The following FHIP2A variants were observed in gnomAD, a reference collection of about 807,000 sequenced individuals.
The protein encoded by FHIP2A is FHF complex subunit HOOK interacting protein 2A, also known as family with sequence similarity 160 member B1.
In FHIP2A, 46 loss-of-function variants were observed where a neutral mutation model predicts 93.5. That is an observed-to-expected ratio of 0.49 (90% confidence interval 0.39 to 0.63). The LOEUF (loss-of-function observed/expected upper bound fraction) is 0.63. Ranked by LOEUF, FHIP2A falls within the 20% of genes least tolerant of loss-of-function variation. The pLI is 0.00. For synonymous variants in FHIP2A, 332 were observed against 326.5 expected (o/e 1.02, Z -0.18); for missense variants, 769 against 909.7 (o/e 0.85, Z 1.99).
At chr10:114,866,339 A>T (rs1483330544), downstream of FHIP2A, among the ~76,000 whole-genome samples, 1 of 152,160 alleles carries the variant, frequency 6.6e-6, no homozygotes, top group Non-Finnish European at 1.5e-5. Flanking sequence ...GTGTATATAC[A>T]CTACATTTTC....
intron 16 of FHIP2A, among the ~76,000 whole-genome samples, chr10:114,895,782 G>A (rs914966067): frequency 6.6e-6 from 1 of 152,072 alleles, no homozygotes; most frequent in Non-Finnish European, 1.5e-5. Flanking sequence ...ATCCCTAAAC[G>A]AGCAAAAAAG....
In FHIP2A at chr10:114,862,874, A is replaced by G; in HGVS notation, c.*1334A>G. The G allele has an allele frequency of 3.0e-6, 3 of 985,458 alleles. No individual in the cohort carries two copies. The highest frequency in any genetic ancestry group is 3.6e-6 in the Non-Finnish European group (3 of 829,934). The allele number at this position is 985,458 out of a possible 1,614,324, so 61.0% of individuals were successfully genotyped here. On this transcript the variant is annotated 3_prime_UTR_variant, in exon 17 of 17. Coordinates refer to ENST00000369248, the MANE Select transcript of FHIP2A (RefSeq NM_020940.4). ...TATCAAAGGTTCCGGCTTGAAGGGA[A>G]CTGTCACTACCCCCTCTAGGAAGTT...
intron 16 of FHIP2A, among the ~76,000 whole-genome samples, chr10:114,893,195 G>A (rs1024325187): frequency 6.6e-6 from 1 of 152,106 alleles, no homozygotes; most frequent in African/African-American, 2.4e-5. Context: ...TATAATAGGG[G>A]AAATATTGTG....
rs1158334822 is a variant in FHIP2A, at chr10:114,835,641, G to C, written c.399G>C (p.Gln133His). Residue 133 changes from glutamine to histidine, a missense_variant and splice_region_variant, in exon 4 of 17, where the codon CAG becomes CAC. Coordinates refer to ENST00000369248, the MANE Select transcript of FHIP2A (RefSeq NM_020940.4). ...ACATTAACGTGCACAGGCCAGTGCA[G>C]GTATTTTGTTCCCCCTACATAAAAT... ...LPHINVHRPV[Q>H]KLIRLCGEVL... 1 of 1,515,800 alleles carries C rather than the reference G, an allele frequency of 6.6e-7. No homozygotes were observed. The highest frequency in any genetic ancestry group is 9.0e-7 in the Non-Finnish European group (1 of 1,113,294). The allele number at this position is 1,515,800 out of a possible 1,614,324, so 93.9% of individuals were successfully genotyped here. A position where few individuals can be genotyped will look rare whatever the true frequency, so the allele number is the denominator to read the frequency against.
rs114910447 is a variant in FHIP2A, at chr10:114,886,560, T to G, written c.2193-12930T>G. On this transcript the variant is annotated intron_variant, in intron 16 of 16. Transcript: ENST00000369250. Reference sequence around the variant, plus strand: ...TTTTGTGTTTTGGTTTTTGGGTTTTTTTGAGACAGAGTCTCGCTTTGTCAC... The same window carrying G: ...TTTTGTGTTTTGGTTTTTGGGTTTTGTTGAGACAGAGTCTCGCTTTGTCAC... 7.1e-3 allele frequency among the ~76,000 whole-genome samples: 1,089 copies of G among 152,322 alleles called. 15 individuals are homozygous for G. Among genetic ancestry groups the G allele is most frequent in the African/African-American group, 0.025 (1,048 of 41,560 alleles).
At chr10:114,861,167 T>G in intron 15 of FHIP2A, 64 bp from the exon 16 acceptor site, 1 of 1,576,848 alleles carries the variant, frequency 6.3e-7, no homozygotes, top group Non-Finnish European at 8.6e-7. Context: ...TTTTTCTTTT[T>G]AGATCCTGAG....
intron 2 of FHIP2A, among the ~76,000 whole-genome samples, chr10:114,832,710 ATTT>A (rs35892795): frequency 8.8e-5 from 11 of 125,220 alleles, no homozygotes; most frequent in Non-Finnish European, 6.7e-5. Flanking sequence ...TATATTTGAG[ATTT>A]TTTTTTTTTT....
intron 16 of FHIP2A, among the ~76,000 whole-genome samples, chr10:114,882,676 C>T (rs1398652748): frequency 1.3e-5 from 2 of 152,062 alleles, no homozygotes; most frequent in Admixed American, 1.3e-4. Flanking sequence ...AGTTTGAGAC[C>T]AGCCTGGCCA....
chr10:114,836,093 T>C, intron 4 of FHIP2A, 31 bp from the exon 5 acceptor site: 1 of 1,521,632 alleles, frequency 6.6e-7, no homozygotes, highest in Middle Eastern at 1.7e-4. Context: ...GTAGCCTAAG[T>C]TTAAAAAGTT....
chr10:114,875,932 GAGAA>G (rs1453083388), intron 16 of FHIP2A, among the ~76,000 whole-genome samples: 15 of 135,724 alleles, frequency 1.1e-4, no homozygotes, highest in Admixed American at 6.7e-4. Context: ...AAGAAAGAAA[GAGAA>G]AGAAAAAGAA....
At chr10:114,840,044 G>A (rs1460301566) in intron 5 of FHIP2A, among the ~76,000 whole-genome samples, 1 of 152,014 alleles carries the variant, frequency 6.6e-6, no homozygotes, top group Non-Finnish European at 1.5e-5. Context: ...TTACAGGATG[G>A]AGAGATTCAT....
At chr10:114,856,991 TGA>T (rs1182292356) in intron 14 of FHIP2A, among the ~76,000 whole-genome samples, 1 of 152,158 alleles carries the variant, frequency 6.6e-6, no homozygotes, top group Non-Finnish European at 1.5e-5. Flanking sequence ...CTCAGGAGTC[TGA>T]GGCAGGAGGA....
intron 16 of FHIP2A, among the ~76,000 whole-genome samples, chr10:114,884,565 G>A (rs7898347): frequency 0.4 from 61,242 of 151,904 alleles, 12,527 homozygotes; most frequent in South Asian, 0.48. Context: ...AATAAACGTT[G>A]CCCCCATCCT....
chr10:114,824,881 T>C (rs1446607592), intron 1 of FHIP2A, among the ~76,000 whole-genome samples: 1 of 152,236 alleles, frequency 6.6e-6, no homozygotes, highest in Non-Finnish European at 1.5e-5. Context: ...AGAAAATACC[T>C]GGATGCTGAC....
chr10:114,886,256 A>C (rs1025319038), intron 16 of FHIP2A, among the ~76,000 whole-genome samples: 7 of 152,212 alleles, frequency 4.6e-5, no homozygotes, highest in Admixed American at 2.0e-4. Flanking sequence ...CCAAGAATTA[A>C]GTAACTCGCC....
At chr10:114,824,624 G>T (rs1162443829) in intron 1 of FHIP2A, among the ~76,000 whole-genome samples, 1 of 152,138 alleles carries the variant, frequency 6.6e-6, no homozygotes, top group African/African-American at 2.4e-5. Context: ...TCTTGGGAAT[G>T]AACTCATGTG....
chr10:114,882,910 A>C (rs1485776221), intron 16 of FHIP2A, among the ~76,000 whole-genome samples: 1 of 151,824 alleles, frequency 6.6e-6, no homozygotes, highest in Non-Finnish European at 1.5e-5. Flanking sequence ...AAAACACCTC[A>C]TGAGCAGCAG....
chr10:114,869,225 T>G (rs2083845378), downstream of FHIP2A, among the ~76,000 whole-genome samples: 3 of 152,164 alleles, frequency 2.0e-5, no homozygotes, highest in Admixed American at 2.0e-4. Flanking sequence ...TAGAATAGCA[T>G]GTAGGGTTTT....
chr10:114,839,753 A>G (rs2083657454), intron 5 of FHIP2A, among the ~76,000 whole-genome samples: 1 of 151,850 alleles, frequency 6.6e-6, no homozygotes, highest in Non-Finnish European at 1.5e-5. Flanking sequence ...TTGGTGGCCC[A>G]TGCCTATAGT....
Sources: gnomAD v4.1 joint callset for allele counts (sites outside exome capture counted in the v4.1 genomes callset) on GRCh38, gnomAD v4.1.1 for gene constraint, MANE v1.5 for transcripts, NCBI Gene and HGNC (gene_info 2026-07-23, HGNC 2026-07-21) for gene names.